The following DNAI3 variants were observed in gnomAD, a reference collection of about 807,000 sequenced individuals.
The protein encoded by DNAI3 is WD repeat domain 63.
Under a neutral mutation model 115.5 loss-of-function variants are expected in DNAI3, and 83 were observed. That is an observed-to-expected ratio of 0.72 (90% confidence interval 0.60 to 0.86). The LOEUF (loss-of-function observed/expected upper bound fraction) is 0.86. Ranked by LOEUF, DNAI3 falls within the 40% of genes least tolerant of loss-of-function variation. The pLI, the probability that DNAI3 is intolerant of heterozygous loss-of-function variation, is 0.00. For synonymous variants in DNAI3, 320 were observed against 347.0 expected, an observed-to-expected ratio of 0.92 and a Z score of 0.86; for missense variants, 1,004 against 1,075.8, an observed-to-expected ratio of 0.93 and a Z score of 0.93.
intron 3 of DNAI3, among the ~76,000 whole-genome samples, chr1:85,076,038 C>T (rs7517848): frequency 0.57 from 86,841 of 152,020 alleles, 24,863 homozygotes; most frequent in Non-Finnish European, 0.58. Context: ...GGCTGATTAT[C>T]GCTGGAGGCC....
At chr1:85,066,517 C>T (rs578075135) in intron 1 of DNAI3, among the ~76,000 whole-genome samples, 48 of 151,640 alleles carry the variant, frequency 3.2e-4, no homozygotes, top group East Asian at 2.9e-3. Flanking sequence ...TTAATAGAGA[C>T]GGGGGTTTCA....
Position 85,073,102 on chromosome 1 carries a change from A to G in DNAI3, c.103+10A>G. 1 of 1,530,396 alleles carries G rather than the reference A, an allele frequency of 6.5e-7. No individual in the cohort carries two copies. The highest frequency in any genetic ancestry group is 8.8e-7 in the Non-Finnish European group (1 of 1,132,534). The allele number at this position is 1,530,396 out of a possible 1,614,324, so 94.8% of individuals were successfully genotyped here. ...AATATGGAGAGCATGGGTAAGTGGA[A>G]ATATAATTTACAACTTACATCCTCA... On this transcript the variant is annotated intron_variant, in intron 3 of 22. Coordinates refer to ENST00000294664, the MANE Select transcript of DNAI3 (RefSeq NM_145172.5).
At chr1:85,093,680 T>C in intron 9 of DNAI3, 32 bp downstream of exon 9, 1 of 1,612,180 alleles carries the variant, frequency 6.2e-7, no homozygotes, top group Non-Finnish European at 8.5e-7. Flanking sequence ...TTCCCTTTTG[T>C]GATAACATTG....
intron 19 of DNAI3, among the ~76,000 whole-genome samples, chr1:85,125,852 G>A (rs1656120094): frequency 6.6e-6 from 1 of 152,178 alleles, no homozygotes; most frequent in Non-Finnish European, 1.5e-5. Context: ...CCTGAAGTGG[G>A]TAGAAAGCAC....
intron 13 of DNAI3, among the ~76,000 whole-genome samples, chr1:85,099,556 G>A (rs942231707): frequency 2.0e-5 from 3 of 152,122 alleles, no homozygotes; most frequent in Non-Finnish European, 4.4e-5. Context: ...ACTGCCCAAG[G>A]TAATTTATAG....
intron 17 of DNAI3, among the ~76,000 whole-genome samples, chr1:85,120,687 C>A (rs536114570): frequency 6.6e-6 from 1 of 152,252 alleles, no homozygotes; most frequent in Admixed American, 6.5e-5. Context: ...GAAGTGGTAT[C>A]CGTGAGGGTG....
chr1:85,127,321 T>C (rs1426944753), intron 20 of DNAI3, among the ~76,000 whole-genome samples: 1 of 152,218 alleles, frequency 6.6e-6, no homozygotes, highest in Admixed American at 6.5e-5. Context: ...GATGTGTCTA[T>C]AGAAACATGA....
intron 8 of DNAI3, 36 bp from the exon 9 acceptor site, chr1:85,093,422 A>G (rs758124099): frequency 5.7e-5 from 90 of 1,573,436 alleles, no homozygotes; most frequent in Non-Finnish European, 6.7e-5. Flanking sequence ...ACTAAAAACC[A>G]ATATCTTAAT....
Position 85,086,181 on chromosome 1 carries a change from A to G in DNAI3, c.740+151A>G, listed in dbSNP as rs1433696807. On this transcript the variant is annotated intron_variant, in intron 7 of 22. Coordinates refer to ENST00000294664, the MANE Select transcript of DNAI3 (RefSeq NM_145172.5). The stretch of plus-strand genomic sequence containing the variant: ...CCACAGAGTAATTCAATTCAGGAAG[A>G]TCTAATTATATTCAATAATGCCTTT... 5 of 734,636 alleles carry G rather than the reference A, an allele frequency of 6.8e-6. No individual in the cohort carries two copies. The Admixed American group carries it at 8.9e-5, about 13-fold the overall frequency. 45.5% of individuals were successfully genotyped at this position (734,636 alleles called of 1,614,324 possible).
intron 16 of DNAI3, among the ~76,000 whole-genome samples, chr1:85,116,362 T>C (rs537840078): frequency 6.6e-6 from 1 of 152,206 alleles, no homozygotes; most frequent in Non-Finnish European, 1.5e-5. Flanking sequence ...TATCGCACCT[T>C]TGCCTCTTCC....
chr1:85,094,604 T>C (rs1239877396), intron 10 of DNAI3, 49 bp downstream of exon 10: 3 of 1,599,868 alleles, frequency 1.9e-6, no homozygotes, highest in African/African-American at 1.3e-5. Flanking sequence ...AATACTACTT[T>C]CATGTATACC....
chr1:85,129,942 T>G (rs2100620196), intron 21 of DNAI3, 48 bp from the exon 22 acceptor site: 1 of 1,584,788 alleles, frequency 6.3e-7, no homozygotes, highest in East Asian at 2.2e-5. Context: ...GTAAAGGTCA[T>G]GGGGGCTTCC....
At chr1:85,104,247 A>G (rs1159704285) in intron 13 of DNAI3, among the ~76,000 whole-genome samples, 1 of 150,724 alleles carries the variant, frequency 6.6e-6, no homozygotes, top group East Asian at 2.0e-4. Flanking sequence ...CAGCCTCTGG[A>G]CTAGCTGGGA....
intron 1 of DNAI3, among the ~76,000 whole-genome samples, chr1:85,062,804 TAATG>T (rs10573039): frequency 0.79 from 118,254 of 150,638 alleles, 46,830 homozygotes; most frequent in Middle Eastern, 0.9. Context: ...ATGAGTCAGT[TAATG>T]AATGAATGAA....
chr1:85,080,291 T>C (rs1166077013), intron 3 of DNAI3, among the ~76,000 whole-genome samples: 2 of 152,088 alleles, frequency 1.3e-5, no homozygotes, highest in Non-Finnish European at 2.9e-5. Context: ...GACCTCGTGA[T>C]CCGCCTGCCT....
chr1:85,085,182 G>A (rs1654761884), intron 6 of DNAI3, among the ~76,000 whole-genome samples: 1 of 152,178 alleles, frequency 6.6e-6, no homozygotes, highest in South Asian at 2.1e-4. Context: ...TTCTCCCTCA[G>A]AGCCTTCAGA....
chr1:85,064,924 T>C (rs1223247663), intron 1 of DNAI3, among the ~76,000 whole-genome samples: 1 of 152,016 alleles, frequency 6.6e-6, no homozygotes, highest in Non-Finnish European at 1.5e-5. Context: ...TCCCAGCTAC[T>C]TGGGAGGCTG....
At chr1:85,087,885 T>A (rs1269351456) in intron 7 of DNAI3, among the ~76,000 whole-genome samples, 1 of 151,992 alleles carries the variant, frequency 6.6e-6, no homozygotes, top group African/African-American at 2.4e-5. Flanking sequence ...AACTAACAGG[T>A]TAAAAACCAT....
rs1303077079 is a variant in DNAI3 at position 85,066,326 on chromosome 1, T to A, written c.-15+3840T>A. 1.2e-4 allele frequency among the ~76,000 whole-genome samples: 15 copies of A among 129,252 alleles called. No homozygotes were observed. In the East Asian group the frequency reaches 2.8e-3, roughly 24 times the overall value. The allele number at this position is 129,252 out of a possible 152,430, so 84.8% of individuals were successfully genotyped here. A position where few individuals can be genotyped will look rare whatever the true frequency, so the allele number is the denominator to read the frequency against. ...CTCTTCTGCTACTCTTTTTTTTTTT[T>A]TTTTTTTTTTTTTTGAGATGGAGTC... On this transcript the variant is annotated intron_variant, in intron 1 of 22. Coordinates refer to ENST00000294664, the MANE Select transcript of DNAI3 (RefSeq NM_145172.5).
Sources: gnomAD v4.1 joint callset for allele counts (sites outside exome capture counted in the v4.1 genomes callset) on GRCh38, gnomAD v4.1.1 for gene constraint, MANE v1.5 for transcripts, NCBI Gene and HGNC (gene_info 2026-07-23, HGNC 2026-07-21) for gene names.